SOX10: variants seen among roughly 807,000 people sequenced by gnomAD.
SOX10 encodes SRY-box transcription factor 10, also known as transcription factor SOX-10.
A neutral mutation model predicts 35.0 loss-of-function variants in SOX10; 3 were observed. The observed-to-expected ratio is 0.09, with a 90% CI of 0.04 to 0.22. The LOEUF is 0.22. SOX10 is among the 10% of genes least tolerant of loss of function. SOX10 has a pLI of 1.00. For missense variants in SOX10, 436 were observed against 655.1 expected, an observed-to-expected ratio of 0.67 and a Z score of 3.65; for synonymous variants, 285 against 291.0, an observed-to-expected ratio of 0.98 and a Z score of 0.21.
At chr22:37,977,161 C>CT (rs2145766643) in intron 3 of SOX10, among the ~76,000 whole-genome samples, 1 of 146,594 alleles carries the variant, frequency 6.8e-6, no homozygotes, top group Non-Finnish European at 1.5e-5. Flanking sequence ...GAGTGAGACT[C>CT]TGTCTCCAGA....
At chr22:37,979,397 C>T (rs1169237700) in intron 2 of SOX10, among the ~76,000 whole-genome samples, 3 of 152,132 alleles carry the variant, frequency 2.0e-5, no homozygotes, top group East Asian at 1.9e-4. Context: ...CGTGCCCGGC[C>T]CCAAGAGGTG....
At chr22:37,975,422 T>C (rs1395165873) in intron 3 of SOX10, among the ~76,000 whole-genome samples, 1 of 152,154 alleles carries the variant, frequency 6.6e-6, no homozygotes, top group East Asian at 1.9e-4. Flanking sequence ...AAAAAGTCTG[T>C]GTCCAGTTTC....
rs576376385 is a variant in SOX10, at chr22:37,979,446, G to A, written c.429-1311C>T. On this transcript the variant is annotated intron_variant, in intron 2 of 3. Transcript: ENST00000396884. ...GCTTGCGGGGGTGGTTGGACAGGAGGATCTAGGGTTGGACTCTTAACTCTG... is the reference window on the plus strand; with the variant it reads ...GCTTGCGGGGGTGGTTGGACAGGAGAATCTAGGGTTGGACTCTTAACTCTG... 5.6e-4 allele frequency among the ~76,000 whole-genome samples: 85 copies of A among 152,000 alleles called. 1 individual carries two copies. Among genetic ancestry groups the A allele is most frequent in the South Asian group, 4.2e-3 (20 of 4,788 alleles).
In SOX10 at chr22:37,975,911, C is replaced by T. The variant is rs115992731; in HGVS notation, c.698-1713G>A. The stretch of plus-strand genomic sequence containing the variant: ...GGATCTCACACAGACTTCTTGTGCA[C>T]TTGTTTCTCTCTCTATATATATACT... On this transcript the variant is annotated intron_variant, in intron 3 of 3. Coordinates refer to ENST00000396884, the MANE Select transcript of SOX10 (RefSeq NM_006941.4). 5.2e-3 allele frequency among the ~76,000 whole-genome samples: 787 copies of T among 151,876 alleles called. 8 individuals are homozygous for T. The highest frequency in any genetic ancestry group is 0.018 in the African/African-American group (759 of 41,242).
chr22:37,973,664 T>G lies in SOX10; in HGVS notation c.1232A>C (p.Tyr411Ser), dbSNP rs773597882. The change falls in exon 4 of 4, where the codon TAT (tyrosine) becomes TCT (serine). Residue 411 changes from tyrosine (Y) to serine (S), a missense_variant. Physicochemically the swap from Tyr to Ser is moderately radical, Grantham distance 144. Transcript: ENST00000396884. ...AGAGGCCTGGCCCGAGTGGCCATAA[T>G]AGGGTCCTGAGGGCTGATGGTCAGA... Reference protein sequence around the residue: ...DYSDHQPSGPYYGHSGQASGL... With the variant: ...DYSDHQPSGPSYGHSGQASGL... 1 of 1,613,612 alleles carries G rather than the reference T, an allele frequency of 6.2e-7. No individual in the cohort carries two copies. Among genetic ancestry groups the G allele is most frequent in the Non-Finnish European group, 8.5e-7 (1 of 1,179,830 alleles).
At position 37,984,134 on chromosome 22, in the gene SOX10, G is replaced by GA. The variant is rs953343302; in HGVS notation, c.-85+204dup. The GA allele has an allele frequency of 7.7e-5, 14 of 181,086 alleles. No homozygotes were observed. Among genetic ancestry groups the GA allele is most frequent in the Non-Finnish European group, 1.5e-4 (13 of 87,666 alleles). 11.2% of individuals were successfully genotyped at this position (181,086 alleles called of 1,614,324 possible). ...GTGGAGGTTTGTTGATGATAAGGAA[G>GA]AAAAAAACGGAGCCTTTATTTTGCT... On this transcript the variant is annotated intron_variant, in intron 1 of 3. Transcript: ENST00000396884. This position sits in a 1 kb window ranked among gnomAD's most constrained non-coding sequence, Gnocchi z 4.4.
intron 3 of SOX10, 68 bp downstream of exon 3, chr22:37,977,799 C>A: frequency 6.6e-7 from 1 of 1,515,916 alleles, no homozygotes; most frequent in Non-Finnish European, 9.0e-7. Context: ...GGTCTCATTG[C>A]CATCCAGCCA....
Position 37,983,464 on chromosome 22 carries a change from G to T in SOX10, c.321C>A (p.Pro107=), listed in dbSNP as rs372732875. Reference sequence around the variant, plus strand: ...GAGCCCACACCATGAAGGCGTTCATGGGCCGCTTGACGTGCGGCTTGCTTT... The same window carrying T: ...GAGCCCACACCATGAAGGCGTTCATTGGCCGCTTGACGTGCGGCTTGCTTT... ...ASKSKPHVKR[P]MNAFMVWAQA... Residue 107 remains proline, a synonymous_variant, in exon 2 of 4, where the codon CCC becomes CCA. Coordinates refer to ENST00000396884, the MANE Select transcript of SOX10 (RefSeq NM_006941.4). The surrounding 1 kb of genome is among the most constrained non-coding windows in gnomAD (Gnocchi z 9.5). 1.2e-6 allele frequency: 2 copies of T among 1,612,268 alleles called. No individual in the cohort carries two copies. The highest frequency in any genetic ancestry group is 8.5e-7 in the Non-Finnish European group (1 of 1,179,568).
intron 3 of SOX10, among the ~76,000 whole-genome samples, chr22:37,976,207 A>G (rs1335120000): frequency 6.6e-6 from 1 of 152,190 alleles, no homozygotes; most frequent in Non-Finnish European, 1.5e-5. Flanking sequence ...TGGGCAACAG[A>G]GCAAGACTCC....
At chr22:37,977,720 G>A in intron 3 of SOX10, 147 bp downstream of exon 3, 3 of 854,910 alleles carry the variant, frequency 3.5e-6, no homozygotes, top group Non-Finnish European at 5.4e-6. Flanking sequence ...CCCCCATGGA[G>A]CTCCCTCTGG....
rs1214570582 is a variant in SOX10 at position 37,983,944 on chromosome 22, G to A, written c.-84-76C>T. Reference sequence around the variant, plus strand: ...CGGCCCGAGACAGGACGTGGGCACAGCCCCGAGGTGGCGGCCCTTCCTGCT... The same window carrying A: ...CGGCCCGAGACAGGACGTGGGCACAACCCCGAGGTGGCGGCCCTTCCTGCT... On this transcript the variant is annotated intron_variant, in intron 1 of 3. Transcript: ENST00000396884. The surrounding 1 kb of genome is among the most constrained non-coding windows in gnomAD (Gnocchi z 9.5). 3 of 461,320 alleles carry A rather than the reference G, an allele frequency of 6.5e-6. No homozygotes were observed. The highest frequency in any genetic ancestry group is 1.0e-5 in the Non-Finnish European group (3 of 292,918). The allele number at this position is 461,320 out of a possible 1,614,324, so 28.6% of individuals were successfully genotyped here.
chr22:37,982,099 C>T (rs1932417629), intron 2 of SOX10, among the ~76,000 whole-genome samples: 1 of 152,200 alleles, frequency 6.6e-6, no homozygotes, highest in Non-Finnish European at 1.5e-5. Flanking sequence ...TTTTCTGGAA[C>T]CCAGATGCTC....
Position 37,978,661 on chromosome 22 carries a change from G to A in SOX10, c.429-526C>T, listed in dbSNP as rs1932299458. On this transcript the variant is annotated intron_variant, in intron 2 of 3. Transcript: ENST00000396884. The surrounding 1 kb of genome is among the most constrained non-coding windows in gnomAD (Gnocchi z 5.0). ...AGCCTGAGTTTCTTCACCTATAAAA[G>A]GATGATAACATTGGCTTAACTTGGG... Among the ~76,000 whole-genome samples, 1 of 152,178 alleles carries A rather than the reference G, an allele frequency of 6.6e-6. No individual in the cohort carries two copies. The highest frequency in any genetic ancestry group is 2.4e-5 in the African/African-American group (1 of 41,438).
At position 37,983,809 on chromosome 22, in the gene SOX10, C is replaced by A; in HGVS notation, c.-25G>T. 7.1e-7 allele frequency: 1 copy of A among 1,406,774 alleles called. No homozygotes were observed. The highest frequency in any genetic ancestry group is 9.3e-7 in the Non-Finnish European group (1 of 1,078,924). The allele number at this position is 1,406,774 out of a possible 1,614,324, so 87.1% of individuals were successfully genotyped here. On this transcript the variant is annotated 5_prime_UTR_variant, in exon 2 of 4. Transcript: ENST00000396884. This position sits in a 1 kb window ranked among gnomAD's most constrained non-coding sequence, Gnocchi z 9.5. ...TGTCGCCCCCGGCCGCCGCCGCCGC[C>A]GCCTCGGCCGCCTCCCCCGGGCCAG...
Position 37,983,599 on chromosome 22 carries a change from C to T in SOX10, c.186G>A (p.Glu62=). The T allele has an allele frequency of 6.2e-7, 1 of 1,608,450 alleles. No individual in the cohort carries two copies. Among genetic ancestry groups the T allele is most frequent in the Middle Eastern group, 1.7e-4 (1 of 6,032 alleles). The part of the protein sequence containing the change: ...GKVKKEQQDG[E]ADDDKFPVCI... Reference sequence around the variant, plus strand: ...ACACGGGGAACTTGTCATCGTCCGCCTCGCCGTCCTGCTGCTCCTTCTTGA... The same window carrying T: ...ACACGGGGAACTTGTCATCGTCCGCTTCGCCGTCCTGCTGCTCCTTCTTGA... Residue 62 remains glutamate, a synonymous_variant, in exon 2 of 4, where the codon GAG becomes GAA. Transcript: ENST00000396884. The surrounding 1 kb of genome is among the most constrained non-coding windows in gnomAD (Gnocchi z 9.5).
chr22:37,975,613 G>A (rs755092513), intron 3 of SOX10, among the ~76,000 whole-genome samples: 57 of 152,190 alleles, frequency 3.7e-4, no homozygotes, highest in Admixed American at 7.9e-4. Context: ...GGACAGGCCT[G>A]TGCCTCCTTC....
At position 37,973,700 on chromosome 22, in the gene SOX10, T is replaced by C; in HGVS notation, c.1196A>G (p.Gln399Arg). 6.2e-7 allele frequency: 1 copy of C among 1,607,880 alleles called. No individual in the cohort carries two copies. Among genetic ancestry groups the C allele is most frequent in the Non-Finnish European group, 8.5e-7 (1 of 1,175,594 alleles). The change falls in exon 4 of 4, where the codon CAG becomes CGG. Residue 399 changes from glutamine (Q) to arginine (R), a missense_variant. Physicochemically the swap from Gln to Arg is conservative, Grantham distance 43. This residue lies in a region of SOX10 where 285 missense variants were observed against 402.9 expected (regional missense o/e 0.71). Coordinates refer to ENST00000396884, the MANE Select transcript of SOX10 (RefSeq NM_006941.4). ...GGGCTGATGGTCAGAGTAGTCAAAC[T>C]GGGGGCGGGAGATGGAGGGGAAGGC... ...GSAFPSISRP[Q>R]FDYSDHQPSG...
In SOX10 at chr22:37,978,783, T is replaced by C. The variant is rs1398414884; in HGVS notation, c.429-648A>G. ...AGGAAGAGGTGCTTTTCTTTCTTTC[T>C]TTTTTTTTTCTGTGAGGGAATCTCA... On this transcript the variant is annotated intron_variant, in intron 2 of 3. Transcript: ENST00000396884. This position sits in a 1 kb window ranked among gnomAD's most constrained non-coding sequence, Gnocchi z 5.0. Among the ~76,000 whole-genome samples, 1 of 149,698 alleles carries C rather than the reference T, an allele frequency of 6.7e-6. No individual in the cohort carries two copies. The highest frequency in any genetic ancestry group is 6.7e-5 in the Admixed American group (1 of 14,988).
chr22:37,973,469 G>T lies in SOX10; in HGVS notation c.*26C>A, dbSNP rs775950810. On this transcript the variant is annotated 3_prime_UTR_variant, in exon 4 of 4. Transcript: ENST00000396884. ...CACAGGCTGGGGGCAGGGGCTGGGC[G>T]GGGGGTGGTGGCGACAGGGCCCCCT... 7.0e-7 allele frequency: 1 copy of T among 1,419,522 alleles called. No homozygotes were observed. Among genetic ancestry groups the T allele is most frequent in the Non-Finnish European group, 9.7e-7 (1 of 1,035,842 alleles). 87.9% of individuals were successfully genotyped at this position (1,419,522 alleles called of 1,614,324 possible). A position where few individuals can be genotyped will look rare whatever the true frequency, so the allele number is the denominator to read the frequency against.
Sources: gnomAD v4.1 joint callset for allele counts (sites outside exome capture counted in the v4.1 genomes callset) on GRCh38, gnomAD v4.1.1 for gene constraint, gnomAD v4.1.1 regional missense constraint, Gnocchi (gnomAD v3.1) non-coding constraint, MANE v1.5 for transcripts, NCBI Gene and HGNC (gene_info 2026-07-23, HGNC 2026-07-21) for gene names.